The following SNRNP70 variants were observed in gnomAD, a reference collection of about 807,000 sequenced individuals.
The protein encoded by SNRNP70 is small nuclear ribonucleoprotein U1 subunit 70.
Under a neutral mutation model 50.5 loss-of-function variants are expected in SNRNP70, and 8 were observed. The observed-to-expected ratio is 0.16, with a 90% CI of 0.09 to 0.29. The LOEUF (loss-of-function observed/expected upper bound fraction) is 0.29. Among genes scored for constraint, SNRNP70 ranks in the 10% least tolerant of loss-of-function variants. The probability of loss-of-function intolerance (pLI) is 1.00; values close to 1 mark genes in which losing one functional copy is unlikely to be tolerated. For synonymous variants in SNRNP70, 320 were observed against 252.9 expected (o/e 1.27, Z -2.52); for missense variants, 529 against 663.5 (o/e 0.80, Z 2.23).
At chr19:49,098,393 C>T (rs2040539561) in intron 4 of SNRNP70, 34 bp from the exon 5 acceptor site, 2 of 1,572,730 alleles carry the variant, frequency 1.3e-6, no homozygotes, top group Non-Finnish European at 1.7e-6. Context: ...CCATGGACAC[C>T]TTCAACTTAT....
chr19:49,096,187 A>C (rs2040511114), intron 4 of SNRNP70, among the ~76,000 whole-genome samples: 1 of 151,792 alleles, frequency 6.6e-6, no homozygotes, highest in African/African-American at 2.4e-5. Flanking sequence ...CCTCCCGAGT[A>C]GCTGGGACTA....
chr19:49,102,364 G>C (rs1200552016), intron 7 of SNRNP70: 1 of 322,032 alleles, frequency 3.1e-6, no homozygotes, highest in African/African-American at 2.2e-5. Context: ...TATGCTCTCT[G>C]AGAATCTTGC....
At chr19:49,093,916 G>A (rs1162746386) in intron 4 of SNRNP70, among the ~76,000 whole-genome samples, 1 of 151,956 alleles carries the variant, frequency 6.6e-6, no homozygotes. Flanking sequence ...CCAGCTACTC[G>A]GGAGGCTGAG....
intron 1 of SNRNP70, 21 bp from the exon 2 acceptor site, chr19:49,086,384 C>T (rs1372995268): frequency 1.2e-6 from 2 of 1,606,820 alleles, no homozygotes; most frequent in Non-Finnish European, 1.7e-6. Flanking sequence ...TAACCTAAGG[C>T]TGTCCTGCTT....
Position 49,104,708 on chromosome 19 carries a change from G to A in SNRNP70, c.550G>A (p.Val184Met). Residue 184 changes from valine to methionine, a missense_variant, in exon 8 of 10, where the codon GTG becomes ATG. Around this residue, in one of 4 missense-constraint regions of SNRNP70, gnomAD observed 149 missense variants for 259.7 expected, o/e 0.57. Transcript: ENST00000598441. The surrounding 1 kb of genome is among the most constrained non-coding windows in gnomAD (Gnocchi z 5.4). ...VLVDVERGRTVKGWRPRRLGG... is the reference protein window; with the variant it reads ...VLVDVERGRTMKGWRPRRLGG... The stretch of plus-strand genomic sequence containing the variant: ...TGTGGACGTGGAGAGGGGCCGAACC[G>A]TGAAGGGCTGGAGGCCCCGGCGGCT... The A allele has an allele frequency of 6.4e-7, 1 of 1,556,306 alleles. No individual in the cohort carries two copies. Among genetic ancestry groups the A allele is most frequent in the Non-Finnish European group, 8.7e-7 (1 of 1,149,906 alleles).
intron 4 of SNRNP70, among the ~76,000 whole-genome samples, chr19:49,098,099 A>T (rs1319146604): frequency 6.6e-6 from 1 of 152,216 alleles, no homozygotes; most frequent in African/African-American, 2.4e-5. Flanking sequence ...ATCACCTTGC[A>T]TCTGGGAGCG....
intron 1 of SNRNP70, among the ~76,000 whole-genome samples, chr19:49,086,000 C>T (rs1484932150): frequency 1.3e-5 from 2 of 152,200 alleles, no homozygotes; most frequent in Non-Finnish European, 2.9e-5. Context: ...TGCTTGGAAA[C>T]TTCCGATCCC....
intron 7 of SNRNP70, chr19:49,102,311 C>T: frequency 2.1e-6 from 1 of 468,076 alleles, no homozygotes; most frequent in South Asian, 1.7e-5. Flanking sequence ...ACCCATGGCC[C>T]TTTCCTTGTT....
In SNRNP70 at chr19:49,098,479, C is replaced by T. The variant is rs555144967; in HGVS notation, c.318C>T (p.Phe106=). 61 of 1,613,768 alleles carry T rather than the reference C, an allele frequency of 3.8e-5. No individual in the cohort carries two copies. Among genetic ancestry groups the T allele is most frequent in the South Asian group, 3.6e-4 (33 of 91,036 alleles). The change falls in exon 5 of 10, where the codon TTC becomes TTT. Residue 106 remains phenylalanine (F), a synonymous_variant. Transcript: ENST00000598441. ...NAQGDAFKTL[F]VARVNYDTTE... Reference sequence around the variant, plus strand: ...AGGGGGATGCCTTCAAGACTCTCTTCGTGGCGAGAGTGGTAAGTCCCCAGC... The same window carrying T: ...AGGGGGATGCCTTCAAGACTCTCTTTGTGGCGAGAGTGGTAAGTCCCCAGC...
At chr19:49,091,090 T>A (rs2040441594) in intron 4 of SNRNP70, among the ~76,000 whole-genome samples, 1 of 151,934 alleles carries the variant, frequency 6.6e-6, no homozygotes, top group Non-Finnish European at 1.5e-5. Flanking sequence ...TATCATATTT[T>A]GCCAGGCACT....
chr19:49,088,244 C>T (rs1032617177), intron 2 of SNRNP70, among the ~76,000 whole-genome samples: 2 of 141,542 alleles, frequency 1.4e-5, no homozygotes, highest in Non-Finnish European at 3.0e-5. Flanking sequence ...GCTCTGTTGC[C>T]TAGGCTGGAG....
intron 6 of SNRNP70, 88 bp downstream of exon 6, chr19:49,098,792 G>A: frequency 1.9e-6 from 2 of 1,057,052 alleles, no homozygotes; most frequent in South Asian, 1.3e-5. Flanking sequence ...TCCCAGCCCT[G>A]AGCATGGCTC....
At chr19:49,098,845 C>T in intron 6 of SNRNP70, 141 bp downstream of exon 6, 1 of 716,396 alleles carries the variant, frequency 1.4e-6, no homozygotes, top group Non-Finnish European at 2.5e-6. Flanking sequence ...GACTGTATCT[C>T]CATGCAGCAG....
At chr19:49,099,414 C>T (rs1005322150) in intron 6 of SNRNP70, among the ~76,000 whole-genome samples, 10 of 151,950 alleles carry the variant, frequency 6.6e-5, no homozygotes, top group Non-Finnish European at 1.0e-4. Flanking sequence ...AGCAAGACCC[C>T]GTTCTCCACA....
chr19:49,099,983 G>C (rs772417591), intron 6 of SNRNP70, among the ~76,000 whole-genome samples: 1 of 152,146 alleles, frequency 6.6e-6, no homozygotes, highest in Non-Finnish European at 1.5e-5. Context: ...GTTCTGCCTT[G>C]CACAGCCCAG....
chr19:49,090,381 T>G (rs2040432795), intron 3 of SNRNP70, 28 bp downstream of exon 3: 3 of 1,613,598 alleles, frequency 1.9e-6, no homozygotes, highest in Non-Finnish European at 2.5e-6. Flanking sequence ...CCTGACCCCC[T>G]GTTTTACCAC....
At chr19:49,092,504 G>C (rs900598294) in intron 4 of SNRNP70, among the ~76,000 whole-genome samples, 8 of 151,770 alleles carry the variant, frequency 5.3e-5, no homozygotes, top group African/African-American at 1.9e-4. Flanking sequence ...CGCCTCCTGG[G>C]TTCAAGTGAT....
In SNRNP70 at chr19:49,101,395, C is replaced by A; in HGVS notation, c.399C>A (p.His133Gln). 6.2e-7 allele frequency: 1 copy of A among 1,613,694 alleles called. No individual in the cohort carries two copies. Among genetic ancestry groups the A allele is most frequent in the Non-Finnish European group, 8.5e-7 (1 of 1,179,608 alleles). Residue 133 changes from histidine (H) to glutamine (Q), a missense_variant, in exon 7 of 10, where the codon CAC becomes CAA. Coordinates refer to ENST00000598441, the MANE Select transcript of SNRNP70 (RefSeq NM_003089.6). ...FEVYGPIKRIHMVYSKRSGKP... is the reference protein window; with the variant it reads ...FEVYGPIKRIQMVYSKRSGKP... ...TGTCCCCATGTGCCCCACAGATACACATGGTCTACAGTAAGCGGTCAGGAA... is the reference window on the plus strand; with the variant it reads ...TGTCCCCATGTGCCCCACAGATACAAATGGTCTACAGTAAGCGGTCAGGAA...
chr19:49,096,815 T>G (rs1423431343), intron 4 of SNRNP70, among the ~76,000 whole-genome samples: 1 of 151,720 alleles, frequency 6.6e-6, no homozygotes, highest in Non-Finnish European at 1.5e-5. Flanking sequence ...TAGTTTATAC[T>G]TGTAGTTAAA....
Sources: gnomAD v4.1 joint callset for allele counts (sites outside exome capture counted in the v4.1 genomes callset) on GRCh38, gnomAD v4.1.1 for gene constraint, gnomAD v4.1.1 regional missense constraint, Gnocchi (gnomAD v3.1) non-coding constraint, MANE v1.5 for transcripts, NCBI Gene and HGNC (gene_info 2026-07-23, HGNC 2026-07-21) for gene names.